The following FCGR2A variants were observed in gnomAD, a reference collection of about 807,000 sequenced individuals.
The protein encoded by FCGR2A is Fc gamma receptor IIa, also known as low affinity immunoglobulin gamma Fc region receptor II-a.
In FCGR2A, 18 loss-of-function variants were observed where a neutral mutation model predicts 29.3. That is an observed-to-expected ratio of 0.62 (90% CI 0.43 to 0.91). The LOEUF (loss-of-function observed/expected upper bound fraction) is 0.91, where lower values mean the gene tolerates loss of function less well. Ranked by LOEUF, FCGR2A falls within the 40% of genes least tolerant of loss-of-function variation. FCGR2A has a pLI of 0.00. For missense variants in FCGR2A, 287 were observed against 393.0 expected, an observed-to-expected ratio of 0.73 and a Z score of 2.28; for synonymous variants, 126 against 144.8, an observed-to-expected ratio of 0.87 and a Z score of 0.93.
chr1:161,521,246 C>CTAATTA (rs1676437850), downstream of FCGR2A, among the ~76,000 whole-genome samples: 2 of 151,914 alleles, frequency 1.3e-5, no homozygotes, highest in Non-Finnish European at 2.9e-5. Flanking sequence ...AATGTGAGCT[C>CTAATTA]CAGGAGAGGT....
At chr1:161,515,687 T>A (rs1261368566) in intron 6 of FCGR2A, among the ~76,000 whole-genome samples, 1 of 152,032 alleles carries the variant, frequency 6.6e-6, no homozygotes, top group Admixed American at 6.6e-5. Context: ...ATCTTAATAG[T>A]CCTCTCCACA....
Position 161,510,128 on chromosome 1 carries a change from C to T in FCGR2A, c.619+54C>T, listed in dbSNP as rs1257085938. The T allele has an allele frequency of 7.5e-6, 12 of 1,604,864 alleles. No homozygotes were observed. The Admixed American group carries it at 1.7e-4, about 22-fold the overall frequency. ...GGGGAGAAGAGGGGATGGACAAGGGCTGAGGTCACATGGGCCTACATGGAG... is the reference window on the plus strand; with the variant it reads ...GGGGAGAAGAGGGGATGGACAAGGGTTGAGGTCACATGGGCCTACATGGAG... On this transcript the variant is annotated intron_variant, in intron 4 of 6. Coordinates refer to ENST00000271450, the MANE Select transcript of FCGR2A (RefSeq NM_001136219.3).
chr1:161,511,239 A>G (rs182118834), intron 5 of FCGR2A, among the ~76,000 whole-genome samples: 210 of 152,286 alleles, frequency 1.4e-3, no homozygotes, highest in African/African-American at 4.7e-3. Context: ...AGGAGGTGGT[A>G]TGTGAGGGCA....
At chr1:161,511,726 C>T (rs1675796774) in intron 5 of FCGR2A, among the ~76,000 whole-genome samples, 1 of 152,234 alleles carries the variant, frequency 6.6e-6, no homozygotes, top group African/African-American at 2.4e-5. Flanking sequence ...ACTCAGGCCC[C>T]ACTGCCTAAT....
In FCGR2A at chr1:161,509,918, A is replaced by G. The variant is rs145979252; in HGVS notation, c.463A>G (p.Thr155Ala). The G allele has an allele frequency of 1.7e-4, 270 of 1,614,176 alleles. 3 individuals are homozygous for G. The African/African-American group carries it at 3.1e-3, about 19-fold the overall frequency. Residue 155 changes from threonine to alanine, a missense_variant, in exon 4 of 7, where the codon ACA (threonine) becomes GCA (alanine). Thr to Ala is a moderately conservative substitution (Grantham distance 58). Around this residue, in one of 3 missense-constraint regions of FCGR2A, gnomAD observed 181 missense variants for 250.9 expected, o/e 0.72. Coordinates refer to ENST00000271450, the MANE Select transcript of FCGR2A (RefSeq NM_001136219.3). Reference protein sequence around the residue: ...SWKDKPLVKVTFFQNGKSQKF... With the variant: ...SWKDKPLVKVAFFQNGKSQKF... The stretch of plus-strand genomic sequence containing the variant: ...GAAGGACAAGCCTCTGGTCAAGGTC[A>G]CATTCTTCCAGAATGGAAAATCCCA...
At position 161,506,474 on chromosome 1, in the gene FCGR2A, C is replaced by G. The variant is rs775034712; in HGVS notation, c.247C>G (p.Pro83Ala). 1.9e-5 allele frequency: 30 copies of G among 1,614,070 alleles called. No homozygotes were observed. The highest frequency in any genetic ancestry group is 1.6e-4 in the Middle Eastern group (1 of 6,084). ...GTGGTTCCACAATGGGAATCTCATTCCCACCCACACGCAGCCCAGCTACAG... is the reference window on the plus strand; with the variant it reads ...GTGGTTCCACAATGGGAATCTCATTGCCACCCACACGCAGCCCAGCTACAG... ...IQWFHNGNLI[P>A]THTQPSYRFK... Residue 83 changes from proline (P) to alanine (A), a missense_variant, in exon 3 of 7, where the codon CCC (proline) becomes GCC (alanine). By Grantham distance (27) the Pro-to-Ala change is conservative. Coordinates refer to ENST00000271450, the MANE Select transcript of FCGR2A (RefSeq NM_001136219.3).
chr1:161,517,599 G>T (rs1280379627), intron 6 of FCGR2A, among the ~76,000 whole-genome samples: 1 of 152,076 alleles, frequency 6.6e-6, no homozygotes, highest in South Asian at 2.1e-4. Context: ...AGATTTTTAG[G>T]TTATTAGGTT....
intron 6 of FCGR2A, among the ~76,000 whole-genome samples, chr1:161,515,270 G>C (rs191297143): frequency 1.8e-3 from 270 of 152,324 alleles, no homozygotes; most frequent in African/African-American, 6.1e-3. Context: ...TAACCTCTTT[G>C]ATTGCTTGCT....
intron 6 of FCGR2A, among the ~76,000 whole-genome samples, chr1:161,515,616 A>G (rs367612303): frequency 7.9e-5 from 12 of 152,192 alleles, no homozygotes; most frequent in African/African-American, 1.4e-4. Flanking sequence ...AAGCTTCAGC[A>G]AAATGACTCA....
intron 5 of FCGR2A, 96 bp from the exon 6 acceptor site, chr1:161,513,799 T>C (rs1057161029): frequency 1.4e-4 from 223 of 1,583,010 alleles, no homozygotes; most frequent in Middle Eastern, 8.3e-4. Context: ...CAGTCCTTGC[T>C]TTGAGTCTGG....
At position 161,506,009 on chromosome 1, in the gene FCGR2A, T is replaced by A. The variant is rs754551859; in HGVS notation, c.106+2T>A. On this transcript the variant is annotated splice_donor_variant, in intron 2 of 6. Transcript: ENST00000271450. LOFTEE classifies it high-confidence loss of function. ...CAGCTTCTGCAGACAGTCAAGCTGG[T>A]GAGTATGCCCTTTGCTTCCTTGTAT... The A allele has an allele frequency of 3.1e-6, 5 of 1,613,786 alleles. No individual in the cohort carries two copies. Among genetic ancestry groups the A allele is most frequent in the Non-Finnish European group, 4.2e-6 (5 of 1,179,642 alleles).
chr1:161,510,742 A>T, intron 4 of FCGR2A, 92 bp from the exon 5 acceptor site: 2 of 1,508,970 alleles, frequency 1.3e-6, no homozygotes, highest in Non-Finnish European at 1.8e-6. Context: ...ACTGGGACAT[A>T]GCATTGGAGG....
At chr1:161,517,458 T>C (rs1676213860) in intron 6 of FCGR2A, among the ~76,000 whole-genome samples, 2 of 152,124 alleles carry the variant, frequency 1.3e-5, no homozygotes, top group African/African-American at 2.4e-5. Context: ...TTAAAGTGGA[T>C]TGGCTATTTT....
Position 161,518,077 on chromosome 1 carries a change from G to GCAC in FCGR2A, c.885_887dup (p.Pro296dup), listed in dbSNP as rs1427832140. 6.2e-7 allele frequency: 1 copy of GCAC among 1,613,648 alleles called. No individual in the cohort carries two copies. Among genetic ancestry groups the GCAC allele is most frequent in the African/African-American group, 1.3e-5 (1 of 74,862 alleles). On this transcript the variant is annotated inframe_insertion, in exon 7 of 7. Coordinates refer to ENST00000271450, the MANE Select transcript of FCGR2A (RefSeq NM_001136219.3). ...CGGCTACATGACTCTGAACCCCAGGGCACCTACTGACGATGATAAAAACAT... is the reference window on the plus strand; with the variant it reads ...CGGCTACATGACTCTGAACCCCAGGGCACCACCTACTGACGATGATAAAAACAT...
Position 161,507,478 on chromosome 1 carries a change from T to G in FCGR2A, c.364+887T>G, listed in dbSNP as rs562307318. Among the ~76,000 whole-genome samples, 73 of 152,368 alleles carry G rather than the reference T, an allele frequency of 4.8e-4. 1 individual carries two copies. Among genetic ancestry groups the G allele is most frequent in the Non-Finnish European group, 9.4e-4 (64 of 68,032 alleles). On this transcript the variant is annotated intron_variant, in intron 3 of 6. Transcript: ENST00000271450. Reference sequence around the variant, plus strand: ...TGAAAATATAAGCACATTTCTATTGTTGTTTACTTGAGCTGCACTCTTGGT... The same window carrying G: ...TGAAAATATAAGCACATTTCTATTGGTGTTTACTTGAGCTGCACTCTTGGT...
chr1:161,523,571 G>C (rs186734887), downstream of FCGR2A: 2 of 152,038 alleles, frequency 1.3e-5, 1 homozygote, highest in East Asian at 3.9e-4. Context: ...GCTCCTCGGG[G>C]ATACAAACAG....
In FCGR2A at chr1:161,509,992, C is replaced by T. The variant is rs1284785194; in HGVS notation, c.537C>T (p.His179=). ...CCTTCTCCATCCCACAAGCAAACCA[C>T]AGTCACAGTGGTGATTACCACTGCA... The part of the protein sequence containing the change: ...DPTFSIPQAN[H]SHSGDYHCTG... Residue 179 remains histidine (H), a synonymous_variant, in exon 4 of 7, where the codon CAC becomes CAT. Transcript: ENST00000271450. 3 of 1,613,862 alleles carry T rather than the reference C, an allele frequency of 1.9e-6. No homozygotes were observed. Among genetic ancestry groups the T allele is most frequent in the African/African-American group, 1.3e-5 (1 of 74,910 alleles).
downstream of FCGR2A, chr1:161,523,164 G>A (rs1676519871): frequency 6.6e-6 from 1 of 152,156 alleles, no homozygotes; most frequent in African/African-American, 2.4e-5. Flanking sequence ...CTATAGTGGT[G>A]AGTATCTCTG....
intron 1 of FCGR2A, 150 bp downstream of exon 1, chr1:161,505,702 A>T: frequency 1.3e-6 from 1 of 757,120 alleles, no homozygotes; most frequent in East Asian, 2.5e-5. Flanking sequence ...AAGTGTTCCA[A>T]TGGTTCCTAA....
Sources: gnomAD v4.1 joint callset for allele counts (sites outside exome capture counted in the v4.1 genomes callset) on GRCh38, gnomAD v4.1.1 for gene constraint, gnomAD v4.1.1 regional missense constraint, MANE v1.5 for transcripts, NCBI Gene and HGNC (gene_info 2026-07-23, HGNC 2026-07-21) for gene names.